Variants in ATP10B observed in about 807,000 individuals in gnomAD.
ATP10B encodes the protein phospholipid-transporting ATPase VB.
ATP10B carries 122 observed loss-of-function variants against 141.2 expected under a neutral mutation model. The ratio of observed to expected loss-of-function variants is 0.86; its 90% CI spans 0.75 to 1.00. ATP10B has a LOEUF of 1.00. ATP10B is among the 50% of genes least tolerant of loss of function. The probability of loss-of-function intolerance (pLI) is 0.00; values close to 1 mark genes in which losing one functional copy is unlikely to be tolerated. For missense variants in ATP10B, 1,876 were observed against 1,825.3 expected, an observed-to-expected ratio of 1.03 and a Z score of -0.51; for synonymous variants, 685 against 692.0, an observed-to-expected ratio of 0.99 and a Z score of 0.16.
At chr5:160,708,947 CG>C (rs1325123578) in intron 3 of ATP10B, among the ~76,000 whole-genome samples, 1 of 152,150 alleles carries the variant, frequency 6.6e-6, no homozygotes, top group Non-Finnish European at 1.5e-5. Flanking sequence ...TGATACACAT[CG>C]GAGAGCCAGG....
the ATP10B span, among the ~76,000 whole-genome samples, chr5:160,885,677 C>T: frequency 2.6e-5 from 4 of 152,176 alleles, no homozygotes; most frequent in Non-Finnish European, 5.9e-5. Flanking sequence ...CGGGCATCAG[C>T]ATGACACTGA....
At chr5:160,636,898 A>G (rs1050162451) in intron 10 of ATP10B, among the ~76,000 whole-genome samples, 1 of 150,296 alleles carries the variant, frequency 6.7e-6, no homozygotes, top group Non-Finnish European at 1.5e-5. Context: ...CCATCCTTCC[A>G]TTCATCCATT....
At chr5:160,752,175 T>C (rs957440214) in intron 2 of ATP10B, among the ~76,000 whole-genome samples, 1,761 of 63,792 alleles carry the variant, frequency 0.028, 26 homozygotes, top group African/African-American at 0.14. Flanking sequence ...TCCCCCTACT[T>C]TTTTTTTTTT....
chr5:160,642,679 C>T (rs753880146), intron 9 of ATP10B, among the ~76,000 whole-genome samples: 3 of 152,230 alleles, frequency 2.0e-5, no homozygotes, highest in Non-Finnish European at 4.4e-5. Context: ...TTAAAAACAA[C>T]TGGTATCTTC....
chr5:160,783,695 G>A (rs371103906), intron 2 of ATP10B, among the ~76,000 whole-genome samples: 3 of 151,402 alleles, frequency 2.0e-5, no homozygotes, highest in Admixed American at 6.6e-5. Flanking sequence ...TGCTATAAAC[G>A]TGTGTGCAAG....
Position 160,685,940 on chromosome 5 carries a change from G to T in ATP10B, c.470+139C>A, listed in dbSNP as rs115447282. Reference sequence around the variant, plus strand: ...CATTACTAAATGCCCACTAGGGGTCGAAATCACCCCCCCTTGAGAATCAGT... The same window carrying T: ...CATTACTAAATGCCCACTAGGGGTCTAAATCACCCCCCCTTGAGAATCAGT... On this transcript the variant is annotated intron_variant, in intron 6 of 25. Transcript: ENST00000327245. 1,044 of 746,762 alleles carry T rather than the reference G, an allele frequency of 1.4e-3. 9 individuals are homozygous for T. In the African/African-American group the frequency reaches 0.017, roughly 12 times the overall value. 46.3% of individuals were successfully genotyped at this position (746,762 alleles called of 1,614,324 possible).
intron 24 of ATP10B, among the ~76,000 whole-genome samples, chr5:160,572,188 G>GT (rs3075519): frequency 0.19 from 28,492 of 150,926 alleles, 3,591 homozygotes; most frequent in African/African-American, 0.35. Flanking sequence ...CTTTTAAAGA[G>GT]TTTTTTTTTC....
intron 18 of ATP10B, among the ~76,000 whole-genome samples, chr5:160,611,331 C>T (rs1284389936): frequency 1.3e-5 from 2 of 152,124 alleles, no homozygotes; most frequent in Non-Finnish European, 2.9e-5. Context: ...TGGCTGGCTG[C>T]CTCACTGGTT....
At chr5:160,859,560 G>A in the ATP10B span, among the ~76,000 whole-genome samples, 1 of 151,254 alleles carries the variant, frequency 6.6e-6, no homozygotes, top group South Asian at 2.1e-4. Context: ...TCTAATCCCA[G>A]TCTTCTGTAT....
chr5:160,574,443 T>A (rs550321382), intron 24 of ATP10B, among the ~76,000 whole-genome samples: 1 of 152,078 alleles, frequency 6.6e-6, no homozygotes, highest in African/African-American at 2.4e-5. Flanking sequence ...CAAAAAAAAT[T>A]TTTTTTCTAC....
intron 6 of ATP10B, among the ~76,000 whole-genome samples, chr5:160,676,764 T>A (rs1293908942): frequency 2.0e-5 from 3 of 152,236 alleles, no homozygotes; most frequent in Non-Finnish European, 4.4e-5. Flanking sequence ...AGCTTACATG[T>A]ATTGACTACC....
intron 1 of ATP10B, among the ~76,000 whole-genome samples, chr5:160,791,084 G>A (rs1771533112): frequency 6.6e-6 from 1 of 151,114 alleles, no homozygotes; most frequent in South Asian, 2.1e-4. Context: ...GGAAATATGG[G>A]CCTGCAGTCC....
rs994691740 is a variant in ATP10B, at chr5:160,785,776, C to A, written c.-548G>T. ...TTTCATTGAAACAAATGTCACCAGT[C>A]GGTTCTGATTCTCTTGTCAAAGGAA... On this transcript the variant is annotated 5_prime_UTR_variant, in exon 2 of 26. Coordinates refer to ENST00000327245, the MANE Select transcript of ATP10B (RefSeq NM_025153.3). 1.1e-6 allele frequency: 1 copy of A among 918,000 alleles called. No individual in the cohort carries two copies. 56.9% of individuals were successfully genotyped at this position (918,000 alleles called of 1,614,324 possible). A position where few individuals can be genotyped will look rare whatever the true frequency, so the allele number is the denominator to read the frequency against.
intron 10 of ATP10B, among the ~76,000 whole-genome samples, chr5:160,639,347 T>C (rs7734518): frequency 1.3e-4 from 20 of 152,344 alleles, no homozygotes; most frequent in African/African-American, 4.6e-4. Flanking sequence ...CACTATCTTA[T>C]ATGGCCAAAG....
At chr5:160,642,301 G>A (rs981866120) in intron 9 of ATP10B, among the ~76,000 whole-genome samples, 1 of 152,220 alleles carries the variant, frequency 6.6e-6, no homozygotes, top group Non-Finnish European at 1.5e-5. Flanking sequence ...TTTCTGGTAA[G>A]TTGGGACTCA....
Position 160,785,614 on chromosome 5 carries a change from C to A in ATP10B, c.-386G>T. On this transcript the variant is annotated 5_prime_UTR_variant, in exon 2 of 26. Coordinates refer to ENST00000327245, the MANE Select transcript of ATP10B (RefSeq NM_025153.3). ...TTTCTCCTTCCCTCCTTTTTGAAGT[C>A]TCAGTGTTTATTGTTCTCATCTTTG... is the stretch of plus-strand genomic sequence containing the variant. 8.7e-7 allele frequency: 1 copy of A among 1,146,794 alleles called. No homozygotes were observed. The highest frequency in any genetic ancestry group is 1.2e-6 in the Non-Finnish European group (1 of 859,078). 71.0% of individuals were successfully genotyped at this position (1,146,794 alleles called of 1,614,324 possible). A position where few individuals can be genotyped will look rare whatever the true frequency, so the allele number is the denominator to read the frequency against.
the ATP10B span, among the ~76,000 whole-genome samples, chr5:160,910,280 T>C: frequency 6.6e-6 from 1 of 152,212 alleles, no homozygotes; most frequent in African/African-American, 2.4e-5. Context: ...TTGATTCTCT[T>C]AGCTAAAGCA....
chr5:160,879,651 A>G, the ATP10B span, among the ~76,000 whole-genome samples: 223 of 152,216 alleles, frequency 1.5e-3, 1 homozygote, highest in African/African-American at 5.2e-3. Flanking sequence ...ATCCTGGCCA[A>G]CATAGTGAAA....
chr5:160,718,371 A>G (rs1765780485), intron 2 of ATP10B, among the ~76,000 whole-genome samples: 1 of 152,234 alleles, frequency 6.6e-6, no homozygotes, highest in South Asian at 2.1e-4. Context: ...TTCTGAAGTC[A>G]GACAAGTATG....
Sources: allele counts gnomAD v4.1 joint callset (sites outside exome capture counted in the v4.1 genomes callset), GRCh38; gene constraint gnomAD v4.1.1; transcripts MANE v1.5; gene names NCBI Gene and HGNC (gene_info 2026-07-23, HGNC 2026-07-21).